The following CEP112 variants were observed in gnomAD, a reference collection of about 807,000 sequenced individuals.
The protein encoded by CEP112 is centrosomal protein 112, also known as centrosomal protein of 112 kDa.
CEP112 carries 127 observed loss-of-function variants against 153.0 expected under a neutral mutation model. The ratio of observed to expected loss-of-function variants is 0.83; its 90% CI spans 0.72 to 0.96. CEP112 has a LOEUF of 0.96. Among genes scored for constraint, CEP112 ranks in the 40% least tolerant of loss-of-function variants. CEP112 has a pLI of 0.00. For missense variants in CEP112, 1,089 were observed against 1,101.2 expected (o/e 0.99, Z 0.16); for synonymous variants, 358 against 374.4 (o/e 0.96, Z 0.51).
intron 4 of CEP112, among the ~76,000 whole-genome samples, chr17:66,156,746 C>T (rs2071459470): frequency 6.6e-6 from 1 of 151,862 alleles, no homozygotes; most frequent in South Asian, 2.1e-4. Context: ...ACGCAAGTAT[C>T]AATAGCCAAA....
chr17:65,960,815 T>G (rs1258810156), intron 18 of CEP112, among the ~76,000 whole-genome samples: 1 of 152,184 alleles, frequency 6.6e-6, no homozygotes, highest in Admixed American at 6.5e-5. Context: ...ATACACTCAA[T>G]TAATTATAAT....
At position 65,689,117 on chromosome 17, in the gene CEP112, A is replaced by T; in HGVS notation, c.2697+12T>A. On this transcript the variant is annotated intron_variant, in intron 24 of 26. Coordinates refer to ENST00000535342, the MANE Select transcript of CEP112 (RefSeq NM_001199165.4). Reference sequence around the variant, plus strand: ...AGTAAACAAGAGAGTCAAATAGTAAAGGAGAGGGTACCTGTTCCTGTGACT... The same window carrying T: ...AGTAAACAAGAGAGTCAAATAGTAATGGAGAGGGTACCTGTTCCTGTGACT... 2 of 1,579,110 alleles carry T rather than the reference A, an allele frequency of 1.3e-6. No individual in the cohort carries two copies. The highest frequency in any genetic ancestry group is 1.7e-6 in the Non-Finnish European group (2 of 1,148,290).
intron 17 of CEP112, among the ~76,000 whole-genome samples, chr17:65,971,725 T>C (rs932444680): frequency 2.0e-5 from 3 of 152,190 alleles, no homozygotes; most frequent in Non-Finnish European, 2.9e-5. Context: ...TGCATAAATA[T>C]ATTGCAGGTA....
intron 21 of CEP112, among the ~76,000 whole-genome samples, chr17:65,757,750 C>A (rs78440312): frequency 0.024 from 3,726 of 152,214 alleles, 151 homozygotes; most frequent in African/African-American, 0.085. Flanking sequence ...ATCTAAAAAG[C>A]TCTGGTTTAT....
rs996339597 is a variant in CEP112, at chr17:65,916,539, C to CT, written c.1980+11042dup. 8.9e-3 allele frequency among the ~76,000 whole-genome samples: 1,298 copies of CT among 145,902 alleles called. 18 individuals are homozygous for CT. The highest frequency in any genetic ancestry group is 0.03 in the African/African-American group (1,175 of 39,754). ...ATATCACTATCCAGGAAAACAGCTT[C>CT]TTTTTTTTTTTTTGAAATGGGTGGG... is the stretch of plus-strand genomic sequence containing the variant. On this transcript the variant is annotated intron_variant, in intron 19 of 26. Coordinates refer to ENST00000535342, the MANE Select transcript of CEP112 (RefSeq NM_001199165.4).
chr17:65,817,215 G>A (rs2056319567), intron 21 of CEP112, among the ~76,000 whole-genome samples: 1 of 151,788 alleles, frequency 6.6e-6, no homozygotes, highest in South Asian at 2.1e-4. Context: ...CAGGTATAAG[G>A]AGATTGCTAC....
chr17:65,773,795 G>A lies in CEP112; in HGVS notation c.2395-23071C>T, dbSNP rs536836265. On this transcript the variant is annotated intron_variant, in intron 21 of 26. Coordinates refer to ENST00000535342, the MANE Select transcript of CEP112 (RefSeq NM_001199165.4). ...TGCCTCGTGGGAAAGTATAGAAAAA[G>A]CAAAGGAGGTTGGGCACAGTAGCTC... Among the ~76,000 whole-genome samples the A allele has an allele frequency of 4.6e-5, 7 of 152,210 alleles. No individual in the cohort carries two copies. In the South Asian group the frequency reaches 1.2e-3, roughly 27 times the overall value.
At chr17:65,795,910 C>T (rs1014021195) in intron 21 of CEP112, among the ~76,000 whole-genome samples, 5 of 152,140 alleles carry the variant, frequency 3.3e-5, no homozygotes, top group Admixed American at 1.3e-4. Context: ...TAAGGCCCAA[C>T]CCCCTGAGTA....
chr17:66,135,463 C>T (rs939439340), intron 4 of CEP112, among the ~76,000 whole-genome samples: 1 of 152,152 alleles, frequency 6.6e-6, no homozygotes, highest in Non-Finnish European at 1.5e-5. Context: ...ACAAGTGCCA[C>T]ACGCCACACA....
chr17:65,939,677 G>T (rs1324177155), intron 18 of CEP112, among the ~76,000 whole-genome samples: 1 of 152,040 alleles, frequency 6.6e-6, no homozygotes, highest in Non-Finnish European at 1.5e-5. Flanking sequence ...GAGAAAAGTG[G>T]CTATTCACAT....
At chr17:66,027,670 G>T in intron 15 of CEP112, 110 bp from the exon 16 acceptor site, 1 of 808,858 alleles carries the variant, frequency 1.2e-6, no homozygotes. Context: ...CTTCAGTTCA[G>T]AGTTTTGCAT....
intron 23 of CEP112, among the ~76,000 whole-genome samples, chr17:65,690,753 C>T (rs1164252262): frequency 1.3e-5 from 2 of 152,144 alleles, no homozygotes; most frequent in African/African-American, 4.8e-5. Flanking sequence ...GCCATAAGGT[C>T]ACTGTTGAGA....
chr17:65,862,132 A>C (rs896832381), intron 20 of CEP112, among the ~76,000 whole-genome samples: 12 of 152,236 alleles, frequency 7.9e-5, no homozygotes, highest in African/African-American at 2.9e-4. Context: ...AACAAACAAA[A>C]ATAATATTTT....
At chr17:65,818,744 AT>A in intron 21 of CEP112, among the ~76,000 whole-genome samples, 1 of 152,010 alleles carries the variant, frequency 6.6e-6, no homozygotes, top group South Asian at 2.1e-4. Flanking sequence ...CAGGAATTCA[AT>A]TTTTGTTCAA....
intron 6 of CEP112, among the ~76,000 whole-genome samples, chr17:66,120,144 T>C (rs2069505435): frequency 6.6e-6 from 1 of 152,138 alleles, no homozygotes; most frequent in African/African-American, 2.4e-5. Context: ...CTCCCTTAAT[T>C]GTTTAATTAA....
intron 18 of CEP112, among the ~76,000 whole-genome samples, chr17:65,940,550 T>A (rs1019302932): frequency 6.6e-5 from 10 of 152,198 alleles, no homozygotes; most frequent in Non-Finnish European, 1.2e-4. Context: ...GGAATACTAT[T>A]CAGCCTTTAA....
intron 8 of CEP112, among the ~76,000 whole-genome samples, chr17:66,082,069 C>T (rs2067743578): frequency 6.6e-6 from 1 of 152,178 alleles, no homozygotes; most frequent in Non-Finnish European, 1.5e-5. Flanking sequence ...ACTCCGGTTT[C>T]TCTTCAGATT....
At chr17:65,969,817 C>T (rs2062584756) in intron 17 of CEP112, among the ~76,000 whole-genome samples, 1 of 140,850 alleles carries the variant, frequency 7.1e-6, no homozygotes, top group Non-Finnish European at 1.5e-5. Context: ...ATATTACCTG[C>T]ATACATATTA....
chr17:65,709,310 TGATA>T (rs1478581644), intron 23 of CEP112, among the ~76,000 whole-genome samples: 1 of 152,244 alleles, frequency 6.6e-6, no homozygotes, highest in Non-Finnish European at 1.5e-5. Flanking sequence ...TTCACACTGC[TGATA>T]AAGACATACC....
Sources: gnomAD v4.1 joint callset for allele counts (sites outside exome capture counted in the v4.1 genomes callset) on GRCh38, gnomAD v4.1.1 for gene constraint, MANE v1.5 for transcripts, NCBI Gene and HGNC (gene_info 2026-07-23, HGNC 2026-07-21) for gene names.